The following RABGEF1 variants were observed in gnomAD, a reference collection of about 807,000 sequenced individuals.
The protein encoded by RABGEF1 is rab5 GDP/GTP exchange factor.
In RABGEF1, 26 loss-of-function variants were observed where a neutral mutation model predicts 57.3. The ratio of observed to expected loss-of-function variants is 0.45; its 90% confidence interval spans 0.33 to 0.63. The LOEUF is 0.63. Among genes scored for constraint, RABGEF1 ranks in the 20% least tolerant of loss-of-function variants. The pLI is 0.02. For missense variants in RABGEF1, 464 were observed against 607.6 expected, an observed-to-expected ratio of 0.76 and a Z score of 2.48; for synonymous variants, 185 against 210.7, an observed-to-expected ratio of 0.88 and a Z score of 1.06.
intron 1 of RABGEF1, among the ~76,000 whole-genome samples, chr7:66,742,664 T>C (rs1441208424): frequency 2.6e-5 from 4 of 152,158 alleles, no homozygotes; most frequent in Non-Finnish European, 5.9e-5. Context: ...TGGAGTACAG[T>C]GACACGATCA....
In RABGEF1 at chr7:66,683,506, T is replaced by A. The variant is rs570674757; in HGVS notation, c.-873+1248T>A. 2.6e-5 allele frequency among the ~76,000 whole-genome samples: 4 copies of A among 152,220 alleles called. No homozygotes were observed. The South Asian group carries it at 6.2e-4, about 24-fold the overall frequency. On this transcript the variant is annotated intron_variant and NMD_transcript_variant, in intron 1 of 9. Coordinates refer to the RABGEF1 transcript ENST00000607882. Reference sequence around the variant, plus strand: ...TTAGCCAGTTGAGGAGAAGGGACAGTCAAGATACTTTCAGAACAGTGTGGT... The same window carrying A: ...TTAGCCAGTTGAGGAGAAGGGACAGACAAGATACTTTCAGAACAGTGTGGT...
At chr7:66,773,573 G>C (rs575086761) in intron 2 of RABGEF1, 12 of 418,874 alleles carry the variant, frequency 2.9e-5, no homozygotes, top group Non-Finnish European at 5.7e-5. Context: ...TAGAGAATTT[G>C]CATTTCTGAC....
intron 2 of RABGEF1, among the ~76,000 whole-genome samples, chr7:66,717,131 T>A (rs1795501437): frequency 6.6e-6 from 1 of 152,236 alleles, no homozygotes; most frequent in Non-Finnish European, 1.5e-5. Flanking sequence ...TTTTGGGTTA[T>A]TTGACTATTG....
chr7:66,766,543 A>C (rs2129098042), intron 1 of RABGEF1, among the ~76,000 whole-genome samples: 1 of 152,148 alleles, frequency 6.6e-6, no homozygotes, highest in South Asian at 2.1e-4. Context: ...TTAGATCTAA[A>C]TCCTGACCTT....
At position 66,686,973 on chromosome 7, in the gene RABGEF1, C is replaced by T. The variant is rs539831628; in HGVS notation, c.-873+4715C>T. On this transcript the variant is annotated intron_variant and NMD_transcript_variant, in intron 1 of 9. Coordinates refer to the RABGEF1 transcript ENST00000607882. ...AGTAGCTGGGAGTACAGGCACCCAC[C>T]ACCACGCCTGGCAAATTTTTTATAT... 5.6e-4 allele frequency among the ~76,000 whole-genome samples: 85 copies of T among 151,666 alleles called. No homozygotes were observed. The East Asian group carries it at 0.015, about 27-fold the overall frequency.
At chr7:66,793,541 GTTTC>G (rs1813231372) in intron 4 of RABGEF1, among the ~76,000 whole-genome samples, 1 of 152,292 alleles carries the variant, frequency 6.6e-6, no homozygotes, top group Non-Finnish European at 1.5e-5. Flanking sequence ...AATGAATATA[GTTTC>G]TTCTAAGTTA....
At chr7:66,793,210 T>G (rs1304637249) in intron 4 of RABGEF1, among the ~76,000 whole-genome samples, 3 of 152,192 alleles carry the variant, frequency 2.0e-5, no homozygotes, top group African/African-American at 7.2e-5. Context: ...TTTCAGATTT[T>G]GGGGTTTTCC....
intron 1 of RABGEF1, among the ~76,000 whole-genome samples, chr7:66,747,896 A>G (rs1032703893): frequency 2.6e-5 from 4 of 152,204 alleles, no homozygotes; most frequent in African/African-American, 7.2e-5. Flanking sequence ...TACGTGCGAC[A>G]TACTGTTGGT....
At chr7:66,720,354 C>T (rs539999577) in intron 2 of RABGEF1, among the ~76,000 whole-genome samples, 6 of 151,510 alleles carry the variant, frequency 4.0e-5, no homozygotes, top group Admixed American at 2.6e-4. Flanking sequence ...TGCACCACCA[C>T]GCCCAACTAA....
intron 1 of RABGEF1, among the ~76,000 whole-genome samples, chr7:66,700,003 A>T (rs559100850): frequency 3.3e-4 from 50 of 152,196 alleles, no homozygotes; most frequent in Non-Finnish European, 5.3e-4. Flanking sequence ...TCCTCTGAGG[A>T]GCACCCAGAG....
At chr7:66,742,182 T>C (rs1391603574) in intron 1 of RABGEF1, among the ~76,000 whole-genome samples, 1 of 151,838 alleles carries the variant, frequency 6.6e-6, no homozygotes, top group Non-Finnish European at 1.5e-5. Context: ...TTCCTTAAAA[T>C]TGTTGTACCA....
chr7:66,675,085 C>G, the RABGEF1 span, among the ~76,000 whole-genome samples: 1 of 152,108 alleles, frequency 6.6e-6, no homozygotes, highest in African/African-American at 2.4e-5. Flanking sequence ...AAGCCCTACT[C>G]TGTGCCAGCG....
intron 1 of RABGEF1, among the ~76,000 whole-genome samples, chr7:66,711,461 G>A (rs1584858734): frequency 7.1e-6 from 1 of 141,148 alleles, no homozygotes; most frequent in African/African-American, 2.6e-5. Context: ...ACTTATTTTT[G>A]CCAAACAATA....
In RABGEF1 at chr7:66,782,506, G is replaced by A. The variant is rs6948365; in HGVS notation, c.347-1169G>A. Reference sequence around the variant, plus strand: ...GGAAGAGACAAGGTCTCATTCTTTCGCCCAGGCTGTGGAGTGTAGTGGGAT... The same window carrying A: ...GGAAGAGACAAGGTCTCATTCTTTCACCCAGGCTGTGGAGTGTAGTGGGAT... On this transcript the variant is annotated intron_variant, in intron 3 of 8. Transcript: ENST00000284957. 7.4e-3 allele frequency among the ~76,000 whole-genome samples: 1,049 copies of A among 141,572 alleles called. 21 individuals carry two copies. The highest frequency in any genetic ancestry group is 0.025 in the African/African-American group (959 of 37,926). The allele number at this position is 141,572 out of a possible 152,430, so 92.9% of individuals were successfully genotyped here. A position where few individuals can be genotyped will look rare whatever the true frequency, so the allele number is the denominator to read the frequency against.
intron 1 of RABGEF1, among the ~76,000 whole-genome samples, chr7:66,691,642 C>T (rs764803215): frequency 2.0e-5 from 3 of 152,082 alleles, no homozygotes; most frequent in Non-Finnish European, 2.9e-5. Flanking sequence ...TTTTCAATTT[C>T]AGTAGCGTAT....
chr7:66,655,522 G>A, the RABGEF1 span, among the ~76,000 whole-genome samples: 2 of 152,146 alleles, frequency 1.3e-5, no homozygotes, highest in East Asian at 3.9e-4. Flanking sequence ...CCTAAACCTA[G>A]AACTGCTTTG....
rs530227398 is a variant in RABGEF1 at position 66,711,661 on chromosome 7, G to T, written c.-872-506G>T. Among the ~76,000 whole-genome samples, 8 of 151,362 alleles carry T rather than the reference G, an allele frequency of 5.3e-5. No homozygotes were observed. In the South Asian group the frequency reaches 1.5e-3, roughly 28 times the overall value. On this transcript the variant is annotated intron_variant and NMD_transcript_variant, in intron 1 of 9. Transcript: ENST00000607882. ...GGATGCAGTGGCACAATCTCGGCTC[G>T]CTGCAAGCTCCGCCTCCTGGGTTCA...
intron 1 of RABGEF1, among the ~76,000 whole-genome samples, chr7:66,757,955 T>C (rs1447792012): frequency 6.6e-6 from 1 of 152,142 alleles, no homozygotes; most frequent in Admixed American, 6.6e-5. Context: ...TCAGGTTTTG[T>C]AAATAATGAG....
At chr7:66,708,140 T>C (rs1214212518) in intron 1 of RABGEF1, among the ~76,000 whole-genome samples, 1 of 152,172 alleles carries the variant, frequency 6.6e-6, no homozygotes, top group Non-Finnish European at 1.5e-5. Flanking sequence ...ATTATAGCCC[T>C]CCTTTTATGT....
Sources: allele counts gnomAD v4.1 joint callset (sites outside exome capture counted in the v4.1 genomes callset), GRCh38; gene constraint gnomAD v4.1.1; transcripts MANE v1.5; gene names NCBI Gene and HGNC (gene_info 2026-07-23, HGNC 2026-07-21).